Variants in ARHGAP18 observed in about 807,000 individuals in gnomAD.
The protein encoded by ARHGAP18 is rho GTPase-activating protein 18.
In ARHGAP18, 67 loss-of-function variants were observed where a neutral mutation model predicts 86.2. The ratio of observed to expected loss-of-function variants is 0.78; its 90% CI spans 0.64 to 0.95. The LOEUF is 0.95. ARHGAP18 is among the 40% of genes least tolerant of loss of function. The pLI is 0.00. For synonymous variants in ARHGAP18, 283 were observed against 280.4 expected, an observed-to-expected ratio of 1.01 and a Z score of -0.09; for missense variants, 691 against 780.4, an observed-to-expected ratio of 0.89 and a Z score of 1.37.
chr6:129,623,802 A>G (rs1320267828), intron 5 of ARHGAP18, among the ~76,000 whole-genome samples: 1 of 152,228 alleles, frequency 6.6e-6, no homozygotes, highest in Non-Finnish European at 1.5e-5. Context: ...ATACATGGAC[A>G]GATTAACAAT....
At chr6:129,596,745 A>G (rs1350233383) in intron 12 of ARHGAP18, 2 of 152,180 alleles carry the variant, frequency 1.3e-5, no homozygotes, top group African/African-American at 2.4e-5. Flanking sequence ...GAGAGTCAAG[A>G]AACTACAGCA....
At chr6:129,610,691 G>A (rs1584044017) in intron 8 of ARHGAP18, among the ~76,000 whole-genome samples, 1 of 151,758 alleles carries the variant, frequency 6.6e-6, no homozygotes. Context: ...GCAATGGTGC[G>A]ATCTTGGCTC....
chr6:129,583,499 C>G (rs1241104220), intron 13 of ARHGAP18, among the ~76,000 whole-genome samples: 2 of 152,172 alleles, frequency 1.3e-5, no homozygotes, highest in East Asian at 1.9e-4. Flanking sequence ...GACTTCAGCG[C>G]TCAAAGGCCT....
intron 1 of ARHGAP18, among the ~76,000 whole-genome samples, chr6:129,649,280 G>A (rs1773651157): frequency 6.6e-6 from 1 of 152,102 alleles, no homozygotes; most frequent in African/African-American, 2.4e-5. Context: ...TCGCGGCCAG[G>A]TGCGGTGACT....
chr6:129,635,280 A>G (rs1194374744), intron 3 of ARHGAP18, among the ~76,000 whole-genome samples: 1 of 152,214 alleles, frequency 6.6e-6, no homozygotes, highest in African/African-American at 2.4e-5. Flanking sequence ...GAAGGACTTC[A>G]TCCTCCACCT....
At chr6:129,627,616 A>G (rs1336371415) in intron 5 of ARHGAP18, among the ~76,000 whole-genome samples, 1 of 151,936 alleles carries the variant, frequency 6.6e-6, no homozygotes. Flanking sequence ...AGGAGGGAGG[A>G]AGGAAAAATA....
chr6:129,642,290 A>C (rs894388441), intron 1 of ARHGAP18, among the ~76,000 whole-genome samples: 11 of 152,238 alleles, frequency 7.2e-5, no homozygotes, highest in Admixed American at 7.2e-4. Flanking sequence ...TCATTTTTCA[A>C]ATATATTTTT....
At position 129,696,111 on chromosome 6, in the gene ARHGAP18, T is replaced by TG. The variant is rs1415176607; in HGVS notation, c.113+13912dup. On this transcript the variant is annotated intron_variant, in intron 1 of 14. Transcript: ENST00000368149. ...TAGAAAAACCAAGTAACTTAAATACTGGCAATTAATTTTTGTATAGCCTCT... is the reference window on the plus strand; with the variant it reads ...TAGAAAAACCAAGTAACTTAAATACTGGGCAATTAATTTTTGTATAGCCTCT... 3.3e-5 allele frequency among the ~76,000 whole-genome samples: 5 copies of TG among 152,334 alleles called. No homozygotes were observed. The East Asian group carries it at 7.7e-4, about 23-fold the overall frequency.
At chr6:129,686,473 T>A (rs1441671358) in intron 1 of ARHGAP18, among the ~76,000 whole-genome samples, 1 of 152,142 alleles carries the variant, frequency 6.6e-6, no homozygotes, top group African/African-American at 2.4e-5. Flanking sequence ...ACCAGTAAGA[T>A]ATGAGGATAG....
At chr6:129,638,689 T>A in intron 2 of ARHGAP18, 60 bp from the exon 3 acceptor site, 2 of 1,475,036 alleles carry the variant, frequency 1.4e-6, no homozygotes, top group Non-Finnish European at 9.2e-7. Flanking sequence ...TTACATTTTT[T>A]AAGCTGTTAA....
chr6:129,609,528 G>A (rs1244989583), intron 8 of ARHGAP18, among the ~76,000 whole-genome samples: 2 of 152,206 alleles, frequency 1.3e-5, no homozygotes, highest in Non-Finnish European at 2.9e-5. Context: ...TGAACTCGGT[G>A]AATTGAGGAC....
chr6:129,659,125 G>C (rs1183083364), intron 1 of ARHGAP18, among the ~76,000 whole-genome samples: 1 of 152,112 alleles, frequency 6.6e-6, no homozygotes, highest in Admixed American at 6.5e-5. Context: ...CTATGTCTTT[G>C]AAATCCTGCA....
intron 1 of ARHGAP18, among the ~76,000 whole-genome samples, chr6:129,642,867 A>AGAT (rs1773497842): frequency 2.0e-5 from 3 of 152,262 alleles, no homozygotes; most frequent in African/African-American, 7.2e-5. Context: ...ATCTTTATTT[A>AGAT]TAAATGGACC....
chr6:129,656,861 T>C (rs753685629), intron 1 of ARHGAP18, among the ~76,000 whole-genome samples: 9 of 152,166 alleles, frequency 5.9e-5, no homozygotes, highest in Non-Finnish European at 1.0e-4. Flanking sequence ...TTTATATTAA[T>C]CCCCTCCTGG....
chr6:129,688,063 G>A (rs1774462492), intron 1 of ARHGAP18, among the ~76,000 whole-genome samples: 2 of 152,110 alleles, frequency 1.3e-5, no homozygotes, highest in South Asian at 4.1e-4. Flanking sequence ...AAGCAGACAT[G>A]GATGAAAAGA....
At chr6:129,645,871 G>C (rs1773568214) in intron 1 of ARHGAP18, among the ~76,000 whole-genome samples, 1 of 152,082 alleles carries the variant, frequency 6.6e-6, no homozygotes, top group African/African-American at 2.4e-5. Flanking sequence ...TCCATGCTCT[G>C]TTTACAAAAA....
rs143578582 is a variant in ARHGAP18, at chr6:129,624,806, G to A, written c.786+4547C>T. On this transcript the variant is annotated intron_variant, in intron 5 of 14. Coordinates refer to ENST00000368149, the MANE Select transcript of ARHGAP18 (RefSeq NM_033515.3). Reference sequence around the variant, plus strand: ...CCAAAAATACAAAAATCAGCCGGGCGTGGTGGTGGGCACCTATAATCCCAG... The same window carrying A: ...CCAAAAATACAAAAATCAGCCGGGCATGGTGGTGGGCACCTATAATCCCAG... 7.5e-3 allele frequency among the ~76,000 whole-genome samples: 1,129 copies of A among 150,210 alleles called. 19 individuals carry two copies. The highest frequency in any genetic ancestry group is 0.024 in the African/African-American group (997 of 40,726).
At chr6:129,631,052 A>G (rs1232745447) in intron 4 of ARHGAP18, among the ~76,000 whole-genome samples, 4 of 152,204 alleles carry the variant, frequency 2.6e-5, no homozygotes, top group Non-Finnish European at 5.9e-5. Context: ...TTTTTAAAGT[A>G]TCAACATGAA....
chr6:129,670,407 G>A (rs1197866833), intron 1 of ARHGAP18, among the ~76,000 whole-genome samples: 2 of 152,146 alleles, frequency 1.3e-5, no homozygotes, highest in Non-Finnish European at 2.9e-5. Context: ...AGTGGAAGAT[G>A]GAGAAATTCT....
Sources: gnomAD v4.1 joint callset for allele counts (sites outside exome capture counted in the v4.1 genomes callset) on GRCh38, gnomAD v4.1.1 for gene constraint, MANE v1.5 for transcripts, NCBI Gene and HGNC (gene_info 2026-07-23, HGNC 2026-07-21) for gene names.